MASP1: variants seen among roughly 807,000 people sequenced by gnomAD.
MASP1 encodes the protein mannan-binding lectin serine protease 1.
A neutral mutation model predicts 77.1 loss-of-function variants in MASP1; 59 were observed. The observed-to-expected ratio is 0.77, with a 90% CI of 0.62 to 0.95. The LOEUF (loss-of-function observed/expected upper bound fraction) is 0.95, where lower values mean the gene tolerates loss of function less well. MASP1 is among the 40% of genes least tolerant of loss of function. The probability of loss-of-function intolerance (pLI) is 0.00; values close to 1 mark genes in which losing one functional copy is unlikely to be tolerated. For synonymous variants in MASP1, 362 were observed against 354.5 expected (o/e 1.02, Z -0.24); for missense variants, 885 against 912.9 (o/e 0.97, Z 0.39).
Position 187,235,486 on chromosome 3 carries a change from A to G in MASP1, c.*198T>C. On this transcript the variant is annotated 3_prime_UTR_variant, in exon 11 of 11. Transcript: ENST00000296280. ...GAAAGAGACTTGGACAAGCTCAGGA[A>G]CACAGGTCTCCTGCCTGGAGCCTTT... 1.3e-6 allele frequency: 2 copies of G among 1,525,208 alleles called. No individual in the cohort carries two copies. The highest frequency in any genetic ancestry group is 1.2e-5 in the South Asian group (1 of 83,022). The allele number at this position is 1,525,208 out of a possible 1,614,324, so 94.5% of individuals were successfully genotyped here. A position where few individuals can be genotyped will look rare whatever the true frequency, so the allele number is the denominator to read the frequency against.
At chr3:187,243,985 C>T in intron 8 of MASP1, 1 of 296,864 alleles carries the variant, frequency 3.4e-6, no homozygotes, top group East Asian at 7.4e-5. Context: ...GCCTCTTCTG[C>T]CCAAGAATGA....
intron 2 of MASP1, chr3:187,276,456 C>T (rs759875880): frequency 1.3e-5 from 2 of 152,218 alleles, no homozygotes; most frequent in African/African-American, 2.4e-5. Context: ...TAACTTTTCC[C>T]TTTATAAGCA....
chr3:187,273,710 T>C (rs1293695606), intron 2 of MASP1, among the ~76,000 whole-genome samples: 3 of 152,204 alleles, frequency 2.0e-5, no homozygotes, highest in Admixed American at 6.5e-5. Context: ...TAAAGGCACC[T>C]GATACCAGAT....
exon 16 of MASP1, chr3:187,219,631 A>G: frequency 4.2e-6 from 1 of 236,250 alleles, no homozygotes; most frequent in South Asian, 6.1e-5. Context: ...GGGGTTTGTA[A>G]GAGAGCTTCG....
At chr3:187,252,631 T>C (rs900920101) in intron 6 of MASP1, among the ~76,000 whole-genome samples, 4 of 152,330 alleles carry the variant, frequency 2.6e-5, no homozygotes, top group Non-Finnish European at 4.4e-5. Context: ...CTCTCCTTCC[T>C]TGGGTTCCTA....
intron 2 of MASP1, among the ~76,000 whole-genome samples, chr3:187,273,096 AG>A (rs1198793579): frequency 6.6e-6 from 1 of 152,192 alleles, no homozygotes; most frequent in East Asian, 1.9e-4. Context: ...GCTCCCAGCT[AG>A]TGGGGCAAGG....
chr3:187,226,127 C>T (rs888501127), intron 12 of MASP1: 1 of 462,318 alleles, frequency 2.2e-6, no homozygotes, highest in African/African-American at 2.0e-5. Context: ...TTTGAAACCA[C>T]AGGTTCATGG....
intron 14 of MASP1, among the ~76,000 whole-genome samples, chr3:187,222,270 AACT>A (rs1191889239): frequency 8.5e-5 from 13 of 152,212 alleles, no homozygotes; most frequent in Non-Finnish European, 1.3e-4. Flanking sequence ...TCACATCCAT[AACT>A]ACTTTCTGTC....
rs1186877091 is a variant in MASP1 at position 187,256,439 on chromosome 3, C to G, written c.744+225G>C. 5 of 590,096 alleles carry G rather than the reference C, an allele frequency of 8.5e-6. No homozygotes were observed. The Admixed American group carries it at 1.4e-4, about 16-fold the overall frequency. The allele number at this position is 590,096 out of a possible 1,614,324, so 36.6% of individuals were successfully genotyped here. ...TTCTAAAATGCAGATTCACGACTCTCCTCCTCAAGCCACCCTAGTGGCCAG... is the reference window on the plus strand; with the variant it reads ...TTCTAAAATGCAGATTCACGACTCTGCTCCTCAAGCCACCCTAGTGGCCAG... On this transcript the variant is annotated intron_variant, in intron 5 of 10. Transcript: ENST00000296280.
In MASP1 at chr3:187,256,742, G is replaced by A; in HGVS notation, c.666C>T (p.Phe222=). The stretch of plus-strand genomic sequence containing the variant: ...TGTCCTCAAACTGCAGGTTGACCAT[G>A]AAACCCTCCTCCAGCTCGATGGTAT... The part of the protein sequence containing the change: ...CLYTIELEEG[F]MVNLQFEDIF... Residue 222 remains phenylalanine, a synonymous_variant, in exon 5 of 11, where the codon TTC becomes TTT. Transcript: ENST00000296280. The A allele has an allele frequency of 3.1e-6, 5 of 1,613,980 alleles. No individual in the cohort carries two copies. The highest frequency in any genetic ancestry group is 4.2e-6 in the Non-Finnish European group (5 of 1,180,002).
rs756877972 is a variant in MASP1, at chr3:187,225,328, C to T, written c.1737G>A (p.Gln579=). ...GGTGGAGGTAGGGGAAAGTACCTTC[C>T]TGCTGGGGTCCCTCAGGCAGACAGA... The change falls in exon 13 of 16, where the codon CAG becomes CAA. Residue 579 remains glutamine (Q), a synonymous_variant. Coordinates refer to the MASP1 transcript ENST00000337774. 8.1e-6 allele frequency: 13 copies of T among 1,612,936 alleles called. No homozygotes were observed. In the East Asian group the frequency reaches 2.9e-4, roughly 36 times the overall value.
At chr3:187,290,607 C>T (rs1475634231) in intron 1 of MASP1, among the ~76,000 whole-genome samples, 2 of 152,160 alleles carry the variant, frequency 1.3e-5, no homozygotes, top group South Asian at 4.1e-4. Flanking sequence ...CACAGGTAAT[C>T]GGAGTTCAAA....
chr3:187,233,755 C>T (rs545927755), downstream of MASP1, among the ~76,000 whole-genome samples: 4 of 152,316 alleles, frequency 2.6e-5, no homozygotes, highest in Non-Finnish European at 5.9e-5. Flanking sequence ...CTGATGATCT[C>T]GTCCAATGTC....
intron 2 of MASP1, among the ~76,000 whole-genome samples, chr3:187,265,933 T>G (rs1715982306): frequency 6.6e-6 from 1 of 152,106 alleles, no homozygotes; most frequent in African/African-American, 2.4e-5. Flanking sequence ...GGGTCACTGG[T>G]CCCGGTTAAT....
At chr3:187,283,078 C>T (rs6790474) in intron 2 of MASP1, among the ~76,000 whole-genome samples, 4,224 of 152,176 alleles carry the variant, frequency 0.028, 188 homozygotes, top group African/African-American at 0.097. Context: ...AGATCTGAGA[C>T]CAGAAAAGGC....
chr3:187,230,568 TC>T (rs1413474982), downstream of MASP1, among the ~76,000 whole-genome samples: 9 of 152,316 alleles, frequency 5.9e-5, no homozygotes, highest in East Asian at 1.5e-3. Context: ...GCCACATGAA[TC>T]TTGTCTCCTC....
At chr3:187,248,866 C>T (rs1472882558) in intron 8 of MASP1, among the ~76,000 whole-genome samples, 4 of 152,180 alleles carry the variant, frequency 2.6e-5, no homozygotes, top group Admixed American at 1.3e-4. Flanking sequence ...AAAGAACAAT[C>T]GTATTTTACT....
intron 13 of MASP1, among the ~76,000 whole-genome samples, chr3:187,224,316 G>GT (rs1712246877): frequency 6.6e-6 from 1 of 151,480 alleles, no homozygotes; most frequent in African/African-American, 2.4e-5. Context: ...AATGGTCACA[G>GT]TGGTGTTTGA....
In MASP1 at chr3:187,225,497, C is replaced by A. The variant is rs1019671779; in HGVS notation, c.1568G>T (p.Arg523Met). ...CTGTTCATTTTCATCTGACCGGAGCCTCCAATGCTTGCCTGGGCAAGAAGA... is the reference window on the plus strand; with the variant it reads ...CTGTTCATTTTCATCTGACCGGAGCATCCAATGCTTGCCTGGGCAAGAAGA... Residue 523 changes from arginine (R) to methionine (M), a missense_variant, in exon 13 of 16, where the codon AGG becomes ATG. By Grantham distance (91) the Arg-to-Met change is moderately conservative. Coordinates refer to the MASP1 transcript ENST00000337774. 14 of 1,614,068 alleles carry A rather than the reference C, an allele frequency of 8.7e-6. No individual in the cohort carries two copies. The highest frequency in any genetic ancestry group is 1.2e-5 in the Non-Finnish European group (14 of 1,180,040).
Sources: gnomAD v4.1 joint callset for allele counts (sites outside exome capture counted in the v4.1 genomes callset) on GRCh38, gnomAD v4.1.1 for gene constraint, MANE v1.5 for transcripts, NCBI Gene and HGNC (gene_info 2026-07-23, HGNC 2026-07-21) for gene names.